Variants in MLLT6 observed in about 807,000 individuals in gnomAD.
MLLT6 encodes the protein MLLT6, PHD finger containing, also known as protein AF-17.
A neutral mutation model predicts 103.0 loss-of-function variants in MLLT6; 22 were observed. The observed-to-expected ratio is 0.21, with a 90% CI of 0.15 to 0.31. The LOEUF is 0.31. Among genes scored for constraint, MLLT6 ranks in the 10% least tolerant of loss-of-function variants. MLLT6 has a pLI of 1.00. For synonymous variants in MLLT6, 606 were observed against 623.5 expected (o/e 0.97, Z 0.42); for missense variants, 1,199 against 1,441.7 (o/e 0.83, Z 2.73).
At chr17:38,714,571 C>T (rs1455335259) in intron 8 of MLLT6, 1 of 152,182 alleles carries the variant, frequency 6.6e-6, no homozygotes, top group African/African-American at 2.4e-5. Context: ...AACCCTGCCT[C>T]TATTAAAAAT....
intron 2 of MLLT6, among the ~76,000 whole-genome samples, 193 bp downstream of exon 2, chr17:38,707,222 G>A (rs940241883): frequency 6.6e-6 from 1 of 152,130 alleles, no homozygotes; most frequent in African/African-American, 2.4e-5. Flanking sequence ...CCCACCTCAG[G>A]CATGGGGCTT....
chr17:38,709,160 C>G lies in MLLT6; in HGVS notation c.355-13C>G. ...CTCCCTGGAGGAGGGGACGATTGCGCTGTGTCCTGCAGACCTGTTACATCT... is the reference window on the plus strand; with the variant it reads ...CTCCCTGGAGGAGGGGACGATTGCGGTGTGTCCTGCAGACCTGTTACATCT... On this transcript the variant is annotated splice_polypyrimidine_tract_variant and intron_variant, in intron 4 of 19. Transcript: ENST00000621332. The surrounding 1 kb of genome is among the most constrained non-coding windows in gnomAD (Gnocchi z 4.3). The G allele has an allele frequency of 6.2e-7, 1 of 1,605,512 alleles. No individual in the cohort carries two copies. Among genetic ancestry groups the G allele is most frequent in the Admixed American group, 1.7e-5 (1 of 57,864 alleles).
Position 38,728,077 on chromosome 17 carries a change from C to T in MLLT6, c.*2479C>T, listed in dbSNP as rs990505123. 23 of 233,178 alleles carry T rather than the reference C, an allele frequency of 9.9e-5. No individual in the cohort carries two copies. Among genetic ancestry groups the T allele is most frequent in the Admixed American group, 1.7e-4 (3 of 17,778 alleles). 14.4% of individuals were successfully genotyped at this position (233,178 alleles called of 1,614,324 possible). On this transcript the variant is annotated 3_prime_UTR_variant, in exon 20 of 20. Transcript: ENST00000621332. ...TCCAAGTGGCTGTTCTCCAACTTTC[C>T]CAAGCCGCTTGCATTCCCCAGACTG... is the stretch of plus-strand genomic sequence containing the variant.
At chr17:38,711,118 T>G (rs889446836) in intron 6 of MLLT6, among the ~76,000 whole-genome samples, 4 of 152,078 alleles carry the variant, frequency 2.6e-5, no homozygotes, top group Non-Finnish European at 5.9e-5. Flanking sequence ...AGGCCTGAAA[T>G]TAGCCCTTGG....
In MLLT6 at chr17:38,726,684, C is replaced by T. The variant is rs1349470044; in HGVS notation, c.*1086C>T. On this transcript the variant is annotated 3_prime_UTR_variant, in exon 20 of 20. Coordinates refer to ENST00000621332, the MANE Select transcript of MLLT6 (RefSeq NM_005937.4). ...GGTCTCAGGGCCCCCTTAGGGCCCC[C>T]TACCCCACTGATAGCTTCCTCCTTC... is the stretch of plus-strand genomic sequence containing the variant. 4.3e-6 allele frequency: 1 copy of T among 233,462 alleles called. No individual in the cohort carries two copies. Among genetic ancestry groups the T allele is most frequent in the East Asian group, 6.0e-5 (1 of 16,606 alleles). 14.5% of individuals were successfully genotyped at this position (233,462 alleles called of 1,614,324 possible).
At position 38,727,889 on chromosome 17, in the gene MLLT6, C is replaced by G; in HGVS notation, c.*2291C>G. On this transcript the variant is annotated 3_prime_UTR_variant, in exon 20 of 20. Coordinates refer to ENST00000621332, the MANE Select transcript of MLLT6 (RefSeq NM_005937.4). ...TTGCCCAAGGCTGGCCCACTTAGAG[C>G]GAAACTTAACTTTTGTCTGGATGGG... The G allele has an allele frequency of 4.3e-6, 1 of 233,216 alleles. No individual in the cohort carries two copies. Among genetic ancestry groups the G allele is most frequent in the Non-Finnish European group, 8.5e-6 (1 of 117,988 alleles). 14.4% of individuals were successfully genotyped at this position (233,216 alleles called of 1,614,324 possible). A position where few individuals can be genotyped will look rare whatever the true frequency, so the allele number is the denominator to read the frequency against.
chr17:38,708,985 C>G, intron 4 of MLLT6, 188 bp from the exon 5 acceptor site: 1 of 587,336 alleles, frequency 1.7e-6, no homozygotes, highest in Non-Finnish European at 3.0e-6. Context: ...GTGCTTATAG[C>G]CCATGTGACT....
chr17:38,717,622 T>A lies in MLLT6; in HGVS notation c.1833+9T>A, dbSNP rs757915700. ...CTATCTCCACCACTCAGGTGAGACC[T>A]GACTCCTGGGCTCCTCCTTCCCTGG... On this transcript the variant is annotated intron_variant, in intron 11 of 19. Transcript: ENST00000621332. 6.2e-7 allele frequency: 1 copy of A among 1,612,080 alleles called. No homozygotes were observed. Among genetic ancestry groups the A allele is most frequent in the South Asian group, 1.1e-5 (1 of 90,966 alleles).
Position 38,716,982 on chromosome 17 carries a change from G to A in MLLT6, c.1651+1G>A. The A allele has an allele frequency of 6.2e-7, 1 of 1,613,284 alleles. No homozygotes were observed. Among genetic ancestry groups the A allele is most frequent in the Non-Finnish European group, 8.5e-7 (1 of 1,179,882 alleles). On this transcript the variant is annotated splice_donor_variant, in intron 10 of 19. Coordinates refer to ENST00000621332, the MANE Select transcript of MLLT6 (RefSeq NM_005937.4). LOFTEE classifies it high-confidence loss of function. This position sits in a 1 kb window ranked among gnomAD's most constrained non-coding sequence, Gnocchi z 5.6. ...CTGGAGTCCCCCTTACTAGGGGCAG[G>A]TTAGTGACCCCTGGGGACAGAGGGC...
intron 2 of MLLT6, among the ~76,000 whole-genome samples, 160 bp downstream of exon 2, chr17:38,707,189 C>G (rs1282180242): frequency 6.6e-6 from 1 of 152,178 alleles, no homozygotes; most frequent in Non-Finnish European, 1.5e-5. Flanking sequence ...TCATCTCTGC[C>G]TCACGCTCAT....
At chr17:38,712,546 C>G in intron 7 of MLLT6, 145 bp from the exon 8 acceptor site, 4 of 627,654 alleles carry the variant, frequency 6.4e-6, no homozygotes, top group Non-Finnish European at 8.6e-6. Flanking sequence ...TCCTGCCCAG[C>G]CCATTATCCA....
rs1906202975 is a variant in MLLT6, at chr17:38,729,388, C to A, written c.*3790C>A. On this transcript the variant is annotated 3_prime_UTR_variant, in exon 20 of 20. Coordinates refer to ENST00000621332, the MANE Select transcript of MLLT6 (RefSeq NM_005937.4). ...GATTGAGAGTGTGTCTAGCTCCCGA[C>A]CACTTTGTCTTGACCTACTGAAAAG... The A allele has an allele frequency of 8.6e-6, 2 of 233,470 alleles. No individual in the cohort carries two copies. The allele number at this position is 233,470 out of a possible 1,614,324, so 14.5% of individuals were successfully genotyped here. A position where few individuals can be genotyped will look rare whatever the true frequency, so the allele number is the denominator to read the frequency against.
At chr17:38,720,597 A>G in intron 15 of MLLT6, 28 bp downstream of exon 15, 1 of 1,612,758 alleles carries the variant, frequency 6.2e-7, no homozygotes, top group Non-Finnish European at 8.5e-7. Flanking sequence ...AGCCCGGGAG[A>G]GAGGCCCGTG....
At position 38,709,120 on chromosome 17, in the gene MLLT6, T is replaced by C. The variant is rs903038757; in HGVS notation, c.355-53T>C. 6 of 1,381,994 alleles carry C rather than the reference T, an allele frequency of 4.3e-6. No homozygotes were observed. The highest frequency in any genetic ancestry group is 5.1e-6 in the Non-Finnish European group (5 of 984,816). The allele number at this position is 1,381,994 out of a possible 1,614,324, so 85.6% of individuals were successfully genotyped here. A position where few individuals can be genotyped will look rare whatever the true frequency, so the allele number is the denominator to read the frequency against. On this transcript the variant is annotated intron_variant, in intron 4 of 19. Transcript: ENST00000621332. This position sits in a 1 kb window ranked among gnomAD's most constrained non-coding sequence, Gnocchi z 4.3. The stretch of plus-strand genomic sequence containing the variant: ...AATGGAGGGGGTGGCCTAAGGACCA[T>C]CAGTAGAACAGGGGCTCCCTGGAGG...
rs879210230 is a variant in MLLT6, at chr17:38,729,778, C to CAAAAAAAA, written c.*4190_*4197dup. 1.0e-2 allele frequency: 1,181 copies of CAAAAAAAA among 118,592 alleles called. 26 individuals carry two copies. The highest frequency in any genetic ancestry group is 0.041 in the African/African-American group (1,115 of 27,036). The allele number at this position is 118,592 out of a possible 1,614,324, so 7.3% of individuals were successfully genotyped here. ...GTTCTTTTAATAAAAGAATGTTTTG[C>CAAAAAAAA]AAAAAAAAAAAAAAAAATCCGAAGA... is the stretch of plus-strand genomic sequence containing the variant. On this transcript the variant is annotated 3_prime_UTR_variant, in exon 20 of 20. Transcript: ENST00000621332.
At position 38,726,366 on chromosome 17, in the gene MLLT6, C is replaced by G. The variant is rs558617585; in HGVS notation, c.*768C>G. 12 of 228,768 alleles carry G rather than the reference C, an allele frequency of 5.2e-5. No individual in the cohort carries two copies. Among genetic ancestry groups the G allele is most frequent in the African/African-American group, 2.6e-4 (11 of 42,832 alleles). The allele number at this position is 228,768 out of a possible 1,614,324, so 14.2% of individuals were successfully genotyped here. A position where few individuals can be genotyped will look rare whatever the true frequency, so the allele number is the denominator to read the frequency against. On this transcript the variant is annotated 3_prime_UTR_variant, in exon 20 of 20. Transcript: ENST00000621332. ...GTCTCAGTGTGTGAGTGTGTGTGTG[C>G]GTGCATGTGTGTGTGTGTGTGTGTG... is the stretch of plus-strand genomic sequence containing the variant.
rs763752411 is a variant in MLLT6 at position 38,709,188 on chromosome 17, G to A, written c.370G>A (p.Glu124Lys). Residue 124 changes from glutamate to lysine, a missense_variant, in exon 5 of 20, where the codon GAG becomes AAG. Glu to Lys is a moderately conservative substitution (Grantham distance 56, BLOSUM62 1). Around this residue, in one of 7 missense-constraint regions of MLLT6, gnomAD observed 59 missense variants for 135.1 expected, o/e 0.44. Transcript: ENST00000621332. The surrounding 1 kb of genome is among the most constrained non-coding windows in gnomAD (Gnocchi z 4.3). Reference protein sequence around the residue: ...DRFNKTCYICEEQGRESKAAS... With the variant: ...DRFNKTCYICKEQGRESKAAS... Reference sequence around the variant, plus strand: ...TGTCCTGCAGACCTGTTACATCTGCGAGGAGCAGGGCCGGGAGAGCAAGGC... The same window carrying A: ...TGTCCTGCAGACCTGTTACATCTGCAAGGAGCAGGGCCGGGAGAGCAAGGC... 1 of 1,611,168 alleles carries A rather than the reference G, an allele frequency of 6.2e-7. No homozygotes were observed. The highest frequency in any genetic ancestry group is 8.5e-7 in the Non-Finnish European group (1 of 1,179,074).
intron 17 of MLLT6, among the ~76,000 whole-genome samples, chr17:38,722,459 T>C (rs886568390): frequency 2.0e-5 from 3 of 152,206 alleles, no homozygotes; most frequent in Non-Finnish European, 4.4e-5. Flanking sequence ...CTTCCTGTCC[T>C]GCACTCTAGG....
chr17:38,720,684 C>G lies in MLLT6; in HGVS notation c.2379C>G (p.Thr793=). 6.2e-7 allele frequency: 1 copy of G among 1,613,900 alleles called. No homozygotes were observed. Among genetic ancestry groups the G allele is most frequent in the Non-Finnish European group, 8.5e-7 (1 of 1,180,046 alleles). The change falls in exon 16 of 20, where the codon ACC becomes ACG. Residue 793 remains threonine, a synonymous_variant. Coordinates refer to ENST00000621332, the MANE Select transcript of MLLT6 (RefSeq NM_005937.4). ...CCGGCAGCAGCGACTCCTTGAGCAC[C>G]AGCAAGAGCCCTCCGGGAAAGAGCA... ...PQAGSSDSLS[T]SKSPPGKSSL... is the part of the protein sequence containing the mutation.
Sources: allele counts gnomAD v4.1 joint callset (sites outside exome capture counted in the v4.1 genomes callset), GRCh38; gene constraint gnomAD v4.1.1; regional missense constraint gnomAD v4.1.1; non-coding constraint Gnocchi (gnomAD v3.1); transcripts MANE v1.5; gene names NCBI Gene and HGNC (gene_info 2026-07-23, HGNC 2026-07-21).